Variants in CD84 observed in about 807,000 individuals in gnomAD.
CD84 encodes the protein SLAM family member 5.
Under a neutral mutation model 33.8 loss-of-function variants are expected in CD84, and 22 were observed. That is an observed-to-expected ratio of 0.65 (90% CI 0.46 to 0.93). The LOEUF (loss-of-function observed/expected upper bound fraction) is 0.93, where lower values mean the gene tolerates loss of function less well. CD84 is among the 40% of genes least tolerant of loss of function. CD84 has a pLI of 0.00. For missense variants in CD84, 400 were observed against 397.6 expected, an observed-to-expected ratio of 1.01 and a Z score of -0.05; for synonymous variants, 154 against 145.2, an observed-to-expected ratio of 1.06 and a Z score of -0.44.
chr1:160,550,655 C>T (rs1260340627), intron 5 of CD84: 1 of 985,368 alleles, frequency 1.0e-6, no homozygotes, highest in Non-Finnish European at 1.2e-6. Context: ...CTAGGGGGCG[C>T]CTTGCTCCTA....
At position 160,542,860 on chromosome 1, in the gene CD84, T is replaced by A. The variant is rs1055835052; in HGVS notation, c.*5396A>T. On this transcript the variant is annotated 3_prime_UTR_variant, in exon 7 of 7. Coordinates refer to ENST00000368054, the MANE Select transcript of CD84 (RefSeq NM_003874.4). ...TAACACTTTCATATGTTTTGAAAAA[T>A]TACTGGACCCCTCACACTTGGATGG... 6.6e-6 allele frequency: 1 copy of A among 152,224 alleles called. No individual in the cohort carries two copies. The highest frequency in any genetic ancestry group is 6.5e-5 in the Admixed American group (1 of 15,274). The allele number at this position is 152,224 out of a possible 1,614,324, so 9.4% of individuals were successfully genotyped here.
intron 2 of CD84, among the ~76,000 whole-genome samples, chr1:160,554,503 C>T (rs1356119133): frequency 6.6e-6 from 1 of 152,094 alleles, no homozygotes; most frequent in African/African-American, 2.4e-5. Context: ...ACTCGATTTA[C>T]TGTTTTGATG....
In CD84 at chr1:160,541,363, T is replaced by C. The variant is rs1207793138; in HGVS notation, c.*6893A>G. The C allele has an allele frequency of 6.6e-6, 1 of 152,168 alleles. No individual in the cohort carries two copies. The highest frequency in any genetic ancestry group is 1.5e-5 in the Non-Finnish European group (1 of 68,038). The allele number at this position is 152,168 out of a possible 1,614,324, so 9.4% of individuals were successfully genotyped here. ...AATGAACTAATCAAAAAACCTTTTT[T>C]TGAGGAACTGAGGCACTCAGACACA... On this transcript the variant is annotated 3_prime_UTR_variant, in exon 7 of 7. Transcript: ENST00000368054.
At chr1:160,558,361 G>A (rs1656744516) in intron 2 of CD84, among the ~76,000 whole-genome samples, 1 of 152,136 alleles carries the variant, frequency 6.6e-6, no homozygotes, top group Admixed American at 6.5e-5. Flanking sequence ...TTAGGGTCTG[G>A]AGTGGACCCT....
chr1:160,563,757 G>GA lies in CD84; in HGVS notation c.388+1646dup, dbSNP rs537066994. Among the ~76,000 whole-genome samples, 437 of 151,562 alleles carry GA rather than the reference G, an allele frequency of 2.9e-3. 3 individuals are homozygous for GA. The highest frequency in any genetic ancestry group is 9.3e-3 in the African/African-American group (386 of 41,368). ...CCCTGAACTTAAAATAAACATTGAA[G>GA]AAAAAAAAGAAAATTATTGAGATAT... On this transcript the variant is annotated intron_variant, in intron 2 of 6. Coordinates refer to ENST00000368054, the MANE Select transcript of CD84 (RefSeq NM_003874.4).
chr1:160,547,319 G>T lies in CD84; in HGVS notation c.*937C>A, dbSNP rs1378261672. On this transcript the variant is annotated 3_prime_UTR_variant, in exon 7 of 7. Coordinates refer to ENST00000368054, the MANE Select transcript of CD84 (RefSeq NM_003874.4). ...ATTATACCCAGTTCCCCAGAAGTGT[G>T]AGAAATATAAGCTGGTCAGTTCCTT... The T allele has an allele frequency of 2.0e-5, 8 of 397,054 alleles. No homozygotes were observed. The highest frequency in any genetic ancestry group is 3.5e-5 in the Non-Finnish European group (8 of 225,548). The allele number at this position is 397,054 out of a possible 1,614,324, so 24.6% of individuals were successfully genotyped here.
intron 5 of CD84, among the ~76,000 whole-genome samples, chr1:160,550,363 C>T (rs1656125485): frequency 6.6e-6 from 1 of 152,002 alleles, no homozygotes; most frequent in South Asian, 2.1e-4. Flanking sequence ...TGATTCCTTG[C>T]AGACTTTAAG....
At chr1:160,553,199 A>T in intron 4 of CD84, 179 bp downstream of exon 4, 1 of 1,016,782 alleles carries the variant, frequency 9.8e-7, no homozygotes, top group Non-Finnish European at 1.5e-6. Context: ...TCTGAAGACC[A>T]TTCAGGGTAA....
chr1:160,549,959 C>T lies in CD84; in HGVS notation c.879G>A (p.Glu293=), dbSNP rs1656090818. 1.2e-6 allele frequency: 2 copies of T among 1,612,670 alleles called. No individual in the cohort carries two copies. The highest frequency in any genetic ancestry group is 1.7e-6 in the Non-Finnish European group (2 of 1,178,750). Residue 293 remains glutamate, a synonymous_variant, in exon 6 of 7, where the codon GAG becomes GAA. Transcript: ENST00000368054. ...LQSKVLPSKE[E]PVNTVYSEVQ... is the part of the protein sequence containing the mutation. ...CTTCGGAATAAACTGTGTTCACTGG[C>T]TCTTCCTTGGAGGGAAGCACCTGTA...
chr1:160,551,058 C>A (rs1157283701), intron 4 of CD84, 23 bp from the exon 5 acceptor site: 10 of 1,556,846 alleles, frequency 6.4e-6, no homozygotes, highest in Non-Finnish European at 8.9e-6. Context: ...TAAATATAGA[C>A]CCACAGTCTG....
At chr1:160,557,123 A>C (rs1482870217) in intron 2 of CD84, among the ~76,000 whole-genome samples, 1 of 152,178 alleles carries the variant, frequency 6.6e-6, no homozygotes, top group Non-Finnish European at 1.5e-5. Flanking sequence ...CCATTATCTC[A>C]TTTAATACCA....
chr1:160,555,442 T>G (rs970384149), intron 2 of CD84, among the ~76,000 whole-genome samples: 1 of 152,186 alleles, frequency 6.6e-6, no homozygotes, highest in Non-Finnish European at 1.5e-5. Context: ...TTTTCTTTAT[T>G]TTTTAAAAAC....
intron 1 of CD84, among the ~76,000 whole-genome samples, chr1:160,578,192 C>T (rs958346820): frequency 1.3e-5 from 2 of 152,154 alleles, no homozygotes; most frequent in African/African-American, 4.8e-5. Flanking sequence ...CTATCTTGCT[C>T]ATCTCAATGG....
Position 160,544,351 on chromosome 1 carries a change from A to G in CD84, c.*3905T>C, listed in dbSNP as rs1053957915. 2 of 151,618 alleles carry G rather than the reference A, an allele frequency of 1.3e-5. No individual in the cohort carries two copies. Among genetic ancestry groups the G allele is most frequent in the Non-Finnish European group, 2.9e-5 (2 of 67,902 alleles). 9.4% of individuals were successfully genotyped at this position (151,618 alleles called of 1,614,324 possible). Reference sequence around the variant, plus strand: ...ATTTTTAGTAGAGACGCGGTTTCACAACCTTGGCCAGGCTGGTCTCGAACT... The same window carrying G: ...ATTTTTAGTAGAGACGCGGTTTCACGACCTTGGCCAGGCTGGTCTCGAACT... On this transcript the variant is annotated 3_prime_UTR_variant, in exon 7 of 7. Transcript: ENST00000368054.
chr1:160,552,627 C>T, intron 4 of CD84: 1 of 945,854 alleles, frequency 1.1e-6, no homozygotes, highest in Non-Finnish European at 1.7e-6. Flanking sequence ...AAATCACGTG[C>T]TTAGTCTTAA....
intron 1 of CD84, among the ~76,000 whole-genome samples, chr1:160,574,925 A>G (rs1193936716): frequency 6.6e-6 from 1 of 152,202 alleles, no homozygotes; most frequent in Non-Finnish European, 1.5e-5. Flanking sequence ...ACAAATAAAC[A>G]TCTTCAAAGA....
intron 2 of CD84, among the ~76,000 whole-genome samples, chr1:160,554,406 G>A (rs554056750): frequency 2.0e-5 from 3 of 152,132 alleles, no homozygotes; most frequent in Admixed American, 2.0e-4. Flanking sequence ...TGTTAACAGA[G>A]TATCTGTCTT....
chr1:160,563,047 C>A (rs1310609192), intron 2 of CD84, among the ~76,000 whole-genome samples: 1 of 152,190 alleles, frequency 6.6e-6, no homozygotes, highest in Non-Finnish European at 1.5e-5. Flanking sequence ...GAGATACCAT[C>A]TCCTGCCCGT....
At chr1:160,571,389 AG>A (rs1042243995) in intron 1 of CD84, 65 of 152,236 alleles carry the variant, frequency 4.3e-4, no homozygotes, top group Admixed American at 3.9e-3. Context: ...AAGAGTCTCA[AG>A]GAGGAGATTG....
Sources: gnomAD v4.1 joint callset for allele counts (sites outside exome capture counted in the v4.1 genomes callset) on GRCh38, gnomAD v4.1.1 for gene constraint, MANE v1.5 for transcripts, NCBI Gene and HGNC (gene_info 2026-07-23, HGNC 2026-07-21) for gene names.